Variants in LANCL1 observed in about 807,000 individuals in gnomAD.
LANCL1 encodes glutathione S-transferase LANCL1.
Under a neutral mutation model 50.6 loss-of-function variants are expected in LANCL1, and 50 were observed. The ratio of observed to expected loss-of-function variants is 0.99; its 90% CI spans 0.79 to 1.25. The LOEUF is 1.25. Ranked by LOEUF, LANCL1 falls within the 50% of genes most tolerant of loss-of-function variation. The pLI, the probability that LANCL1 is intolerant of heterozygous loss-of-function variation, is 0.00. For missense variants in LANCL1, 532 were observed against 480.7 expected (o/e 1.11, Z -1.00); for synonymous variants, 188 against 178.6 (o/e 1.05, Z -0.42).
At position 210,435,377 on chromosome 2, in the gene LANCL1, T is replaced by A. The variant is rs1339546744; in HGVS notation, c.1123+10A>T. 1 of 1,600,900 alleles carries A rather than the reference T, an allele frequency of 6.2e-7. No homozygotes were observed. Among genetic ancestry groups the A allele is most frequent in the South Asian group, 1.1e-5 (1 of 90,826 alleles). Reference sequence around the variant, plus strand: ...TATTATAGGGCAAATAAATAAAGTGTACAAAATACCTTCAAAGAGAGAGAA... The same window carrying A: ...TATTATAGGGCAAATAAATAAAGTGAACAAAATACCTTCAAAGAGAGAGAA... On this transcript the variant is annotated intron_variant, in intron 9 of 9. Transcript: ENST00000450366.
At chr2:210,472,570 C>G (rs539906298) in intron 2 of LANCL1, among the ~76,000 whole-genome samples, 2 of 152,192 alleles carry the variant, frequency 1.3e-5, no homozygotes, top group East Asian at 3.9e-4. Flanking sequence ...TCATGTATAT[C>G]AAGAGCCTTA....
Position 210,433,793 on chromosome 2 carries a change from C to G in LANCL1, c.*694G>C, listed in dbSNP as rs1692826115. Reference sequence around the variant, plus strand: ...AAACTAACCTTCAACTCAGAATTTTCACAATGATCATCATGTTTTATAAGT... The same window carrying G: ...AAACTAACCTTCAACTCAGAATTTTGACAATGATCATCATGTTTTATAAGT... On this transcript the variant is annotated 3_prime_UTR_variant, in exon 10 of 10. Coordinates refer to ENST00000450366, the MANE Select transcript of LANCL1 (RefSeq NM_006055.3). 6.6e-6 allele frequency: 1 copy of G among 152,134 alleles called. No individual in the cohort carries two copies. The highest frequency in any genetic ancestry group is 1.5e-5 in the Non-Finnish European group (1 of 68,012). The allele number at this position is 152,134 out of a possible 1,614,324, so 9.4% of individuals were successfully genotyped here.
At chr2:210,441,554 A>C (rs1693135533) in intron 4 of LANCL1, 111 bp from the exon 5 acceptor site, 1 of 804,918 alleles carries the variant, frequency 1.2e-6, no homozygotes, top group Non-Finnish European at 1.9e-6. Flanking sequence ...ATGTATTTAT[A>C]CATATATAAT....
intron 8 of LANCL1, 42 bp downstream of exon 8, chr2:210,436,174 G>A (rs1249623142): frequency 3.2e-6 from 5 of 1,575,014 alleles, no homozygotes; most frequent in Admixed American, 1.7e-5. Context: ...TTACAGGTGT[G>A]AGCCACCGAG....
intron 3 of LANCL1, among the ~76,000 whole-genome samples, chr2:210,459,656 G>A (rs909721770): frequency 2.6e-5 from 4 of 152,028 alleles, no homozygotes; most frequent in Non-Finnish European, 2.9e-5. Flanking sequence ...ATGTCATTCC[G>A]TACAAGAAGT....
chr2:210,452,549 C>T (rs977266281), intron 4 of LANCL1, among the ~76,000 whole-genome samples: 10 of 152,158 alleles, frequency 6.6e-5, no homozygotes, highest in Admixed American at 2.0e-4. Flanking sequence ...CACACACACA[C>T]CCTCCTTTTG....
chr2:210,450,876 T>C (rs1693491457), intron 4 of LANCL1, among the ~76,000 whole-genome samples: 1 of 152,190 alleles, frequency 6.6e-6, no homozygotes, highest in Non-Finnish European at 1.5e-5. Context: ...TTTTACACTG[T>C]TGGTGGGAGT....
In LANCL1 at chr2:210,464,977, A is replaced by C. The variant is rs75891129; in HGVS notation, c.199+6982T>G. Among the ~76,000 whole-genome samples the C allele has an allele frequency of 3.2e-3, 164 of 50,568 alleles. 2 individuals are homozygous for C. Among genetic ancestry groups the C allele is most frequent in the East Asian group, 0.016 (13 of 796 alleles). 33.2% of individuals were successfully genotyped at this position (50,568 alleles called of 152,430 possible). ...GACAGGGCGAGACTCCGTCTCAAAA[A>C]AAAAAAAAAAAAAACTTATGCGTAC... is the stretch of plus-strand genomic sequence containing the variant. On this transcript the variant is annotated intron_variant, in intron 3 of 9. Coordinates refer to ENST00000450366, the MANE Select transcript of LANCL1 (RefSeq NM_006055.3).
In LANCL1 at chr2:210,434,382, C is replaced by A; in HGVS notation, c.*105G>T. On this transcript the variant is annotated 3_prime_UTR_variant, in exon 10 of 10. Transcript: ENST00000450366. Reference sequence around the variant, plus strand: ...TGAAAAAAGCTAACAAAATCAAGTCCACAGTTTGACTCTTTGTTTCCTTGG... The same window carrying A: ...TGAAAAAAGCTAACAAAATCAAGTCAACAGTTTGACTCTTTGTTTCCTTGG... The A allele has an allele frequency of 5.3e-6, 4 of 750,432 alleles. No homozygotes were observed. Among genetic ancestry groups the A allele is most frequent in the East Asian group, 5.5e-5 (2 of 36,574 alleles). The allele number at this position is 750,432 out of a possible 1,614,324, so 46.5% of individuals were successfully genotyped here.
intron 3 of LANCL1, among the ~76,000 whole-genome samples, chr2:210,465,638 A>G (rs1574439622): frequency 6.6e-6 from 1 of 152,210 alleles, no homozygotes; most frequent in Non-Finnish European, 1.5e-5. Flanking sequence ...TGAAGTCAAT[A>G]TACGGCAACT....
chr2:210,464,623 T>C (rs1430181255), intron 3 of LANCL1, among the ~76,000 whole-genome samples: 2 of 152,178 alleles, frequency 1.3e-5, no homozygotes, highest in African/African-American at 2.4e-5. Context: ...ATTTTATCAC[T>C]AGGATAAAAT....
intron 1 of LANCL1, 77 bp downstream of exon 1, chr2:210,476,543 T>A (rs1694385499): frequency 7.1e-7 from 1 of 1,408,428 alleles, no homozygotes; most frequent in Admixed American, 3.3e-5. Flanking sequence ...GCGGTCCGAG[T>A]GGACCTCGGG....
intron 4 of LANCL1, among the ~76,000 whole-genome samples, chr2:210,447,034 C>T (rs980084718): frequency 6.6e-6 from 1 of 152,048 alleles, no homozygotes; most frequent in African/African-American, 2.4e-5. Context: ...AGAGCAACCC[C>T]AAGACACATA....
At chr2:210,443,400 T>C (rs1400933401) in intron 4 of LANCL1, among the ~76,000 whole-genome samples, 1 of 152,198 alleles carries the variant, frequency 6.6e-6, no homozygotes, top group Non-Finnish European at 1.5e-5. Context: ...TTAAAACATT[T>C]TAATTTTTGG....
At chr2:210,458,590 G>T (rs113935580) in intron 3 of LANCL1, among the ~76,000 whole-genome samples, 3,192 of 152,228 alleles carry the variant, frequency 0.021, 50 homozygotes, top group Non-Finnish European at 0.032. Flanking sequence ...GAACTGGAAA[G>T]ATACCTGTCT....
chr2:210,440,534 C>T, intron 6 of LANCL1, 64 bp downstream of exon 6: 1 of 1,457,390 alleles, frequency 6.9e-7, no homozygotes, highest in Non-Finnish European at 9.3e-7. Flanking sequence ...TATCTGTTTT[C>T]TCACCCATGA....
intron 3 of LANCL1, among the ~76,000 whole-genome samples, chr2:210,456,123 A>G (rs890605379): frequency 6.6e-6 from 1 of 152,150 alleles, no homozygotes; most frequent in Admixed American, 6.5e-5. Context: ...TCTGAAGCTA[A>G]CTGGTCTCAG....
chr2:210,452,381 C>T (rs541061140), intron 4 of LANCL1, among the ~76,000 whole-genome samples: 3 of 152,144 alleles, frequency 2.0e-5, no homozygotes, highest in Non-Finnish European at 4.4e-5. Context: ...TAATTGGGAA[C>T]AGGCAACACA....
intron 3 of LANCL1, chr2:210,469,264 A>G (rs1415907823): frequency 2.6e-5 from 4 of 152,198 alleles, no homozygotes; most frequent in Non-Finnish European, 5.9e-5. Flanking sequence ...TTGGAAAGCT[A>G]TAACATAATG....
Sources: gnomAD v4.1 joint callset for allele counts (sites outside exome capture counted in the v4.1 genomes callset) on GRCh38, gnomAD v4.1.1 for gene constraint, MANE v1.5 for transcripts, NCBI Gene and HGNC (gene_info 2026-07-23, HGNC 2026-07-21) for gene names.